The following MGAT4D variants were observed in gnomAD, a reference collection of about 807,000 sequenced individuals.
MGAT4D encodes MGAT4 family member D.
MGAT4D carries 34 observed loss-of-function variants against 15.9 expected under a neutral mutation model. The observed-to-expected ratio is 2.14, with a 90% CI of 1.62 to 2.84. The LOEUF is 2.84. Among genes scored for constraint, MGAT4D ranks in the 30% most tolerant of loss-of-function variants. MGAT4D has a pLI of 0.00. For synonymous variants in MGAT4D, 112 were observed against 48.2 expected, an observed-to-expected ratio of 2.33 and a Z score of -5.49; for missense variants, 327 against 140.2, an observed-to-expected ratio of 2.33 and a Z score of -6.73.
At chr4:140,488,749 T>G (rs1284675555) in intron 1 of MGAT4D, among the ~76,000 whole-genome samples, 1 of 152,152 alleles carries the variant, frequency 6.6e-6, no homozygotes, top group Non-Finnish European at 1.5e-5. Flanking sequence ...TAATCCCCAA[T>G]GTGGGAGGCA....
Position 140,461,946 on chromosome 4 carries a change from C to G in MGAT4D, c.745G>C (p.Ala249Pro), listed in dbSNP as rs1439943472. 1 of 698,696 alleles carries G rather than the reference C, an allele frequency of 1.4e-6. No homozygotes were observed. Among genetic ancestry groups the G allele is most frequent in the East Asian group, 2.7e-5 (1 of 37,140 alleles). 43.3% of individuals were successfully genotyped at this position (698,696 alleles called of 1,614,324 possible). The stretch of plus-strand genomic sequence containing the variant: ...TTTCTGACCTGTAAATAATACTTGG[C>G]CTTGGGTTGGGCATACAGCAACAAA... ...CILLLYAQPK[A>P]KYYLQLEDDI... Residue 249 changes from alanine (A) to proline (P), a missense_variant, in exon 7 of 11, where the codon GCC becomes CCC. Physicochemically the swap from Ala to Pro is conservative, Grantham distance 27. Coordinates refer to ENST00000511113, the MANE Select transcript of MGAT4D (RefSeq NM_001277353.2).
intron 5 of MGAT4D, among the ~76,000 whole-genome samples, chr4:140,471,283 C>CTTCCTTCCTTCT (rs1491339179): frequency 7.7e-6 from 1 of 130,578 alleles, no homozygotes; most frequent in Admixed American, 7.9e-5. Flanking sequence ...TCCTTCCTTC[C>CTTCCTTCCTTCT]TTCTCTCTCT....
intron 9 of MGAT4D, 64 bp from the exon 10 acceptor site, chr4:140,451,581 G>A (rs911894502): frequency 9.2e-6 from 4 of 433,394 alleles, no homozygotes; most frequent in Non-Finnish European, 1.7e-5. Flanking sequence ...TGCGTTTACT[G>A]ATGGTAGAAT....
intron 1 of MGAT4D, among the ~76,000 whole-genome samples, chr4:140,495,111 C>T (rs992350493): frequency 6.6e-6 from 1 of 152,186 alleles, no homozygotes; most frequent in Non-Finnish European, 1.5e-5. Context: ...CACTCTCCCC[C>T]CTGTTCACAT....
Position 140,474,814 on chromosome 4 carries a change from T to C in MGAT4D, c.524A>G (p.Asp175Gly), listed in dbSNP as rs751720562. 4.4e-5 allele frequency: 30 copies of C among 674,638 alleles called. No individual in the cohort carries two copies. The highest frequency in any genetic ancestry group is 1.1e-5 in the Non-Finnish European group (4 of 373,782). The allele number at this position is 674,638 out of a possible 1,614,324, so 41.8% of individuals were successfully genotyped here. The change falls in exon 4 of 11, where the codon GAT becomes GGT. Residue 175 changes from aspartate to glycine, a missense_variant and splice_region_variant. Transcript: ENST00000511113. ...GAGCTCCTTATTTTGTATACGTACA[T>C]CTGCAACCAAGACAATCACTACAGA... ...KDSVVIVLVA[D>G]SNEDYLHSVV...
chr4:140,460,947 A>G (rs1056596755), intron 7 of MGAT4D, among the ~76,000 whole-genome samples: 5 of 152,218 alleles, frequency 3.3e-5, no homozygotes, highest in African/African-American at 1.2e-4. Context: ...CCCAGCAAAG[A>G]GAAGCCAAAA....
chr4:140,491,872 C>G (rs1297302266), intron 1 of MGAT4D, among the ~76,000 whole-genome samples: 3 of 151,964 alleles, frequency 2.0e-5, no homozygotes, highest in African/African-American at 7.3e-5. Flanking sequence ...TCTTTCCCAC[C>G]CTAGTACCAC....
In MGAT4D at chr4:140,494,894, C is replaced by T. The variant is rs530254697; in HGVS notation, c.94+3235G>A. ...ATTACCCAACCCAAAATGTCAACAG[C>T]GCTAAGGTTGAGAAACCCTAGTTTA... On this transcript the variant is annotated intron_variant, in intron 1 of 10. Transcript: ENST00000511113. 3.3e-5 allele frequency among the ~76,000 whole-genome samples: 5 copies of T among 152,300 alleles called. No individual in the cohort carries two copies. The East Asian group carries it at 7.7e-4, about 23-fold the overall frequency.
At chr4:140,470,647 T>C (rs1225141378) in intron 5 of MGAT4D, among the ~76,000 whole-genome samples, 2 of 152,146 alleles carry the variant, frequency 1.3e-5, no homozygotes, top group Non-Finnish European at 2.9e-5. Context: ...TCTAGCATGC[T>C]CCTTTGGTCT....
intron 9 of MGAT4D, among the ~76,000 whole-genome samples, chr4:140,454,012 ATGTGTG>A (rs34758499): frequency 1.3e-5 from 2 of 148,196 alleles, no homozygotes; most frequent in South Asian, 2.2e-4. Context: ...TCTAGGATGT[ATGTGTG>A]TGTGTGTGTG....
In MGAT4D at chr4:140,464,387, A is replaced by G. The variant is rs114338153; in HGVS notation, c.686+509T>C. Among the ~76,000 whole-genome samples the G allele has an allele frequency of 5.9e-3, 891 of 152,298 alleles. 9 individuals are homozygous for G. Among genetic ancestry groups the G allele is most frequent in the African/African-American group, 0.02 (838 of 41,566 alleles). The stretch of plus-strand genomic sequence containing the variant: ...TTTCACAAATGTATTTTATTCTCAT[A>G]ATGACTCTTCCAATTATGCAATATA... On this transcript the variant is annotated intron_variant, in intron 6 of 10. Coordinates refer to ENST00000511113, the MANE Select transcript of MGAT4D (RefSeq NM_001277353.2).
intron 5 of MGAT4D, among the ~76,000 whole-genome samples, chr4:140,470,792 A>G (rs1731879788): frequency 6.6e-6 from 1 of 152,182 alleles, no homozygotes; most frequent in African/African-American, 2.4e-5. Context: ...ATTTGCAGGT[A>G]GAGTTAAATT....
intron 1 of MGAT4D, among the ~76,000 whole-genome samples, chr4:140,490,157 T>A (rs1000161671): frequency 2.6e-5 from 4 of 152,254 alleles, no homozygotes; most frequent in African/African-American, 4.8e-5. Flanking sequence ...TCTTGATTGC[T>A]AGTGGTTTTT....
chr4:140,464,999 G>C lies in MGAT4D; in HGVS notation c.583C>G (p.Gln195Glu). 5.7e-6 allele frequency: 4 copies of C among 701,348 alleles called. No homozygotes were observed. The highest frequency in any genetic ancestry group is 2.7e-5 in the East Asian group (1 of 37,250). 43.4% of individuals were successfully genotyped at this position (701,348 alleles called of 1,614,324 possible). Reference sequence around the variant, plus strand: ...ACCTCTAAGGATCCAGACCTCACTTGCCTTTTGAATCTATAAATAGAAGTA... The same window carrying C: ...ACCTCTAAGGATCCAGACCTCACTTCCCTTTTGAATCTATAAATAGAAGTA... Reference protein sequence around the residue: ...VKMITKKFKRQVRSGSLEVIS... With the variant: ...VKMITKKFKREVRSGSLEVIS... The change falls in exon 6 of 11, where the codon CAA becomes GAA. Residue 195 changes from glutamine to glutamate, a missense_variant. Coordinates refer to ENST00000511113, the MANE Select transcript of MGAT4D (RefSeq NM_001277353.2).
At chr4:140,480,601 A>G (rs1048906733) in intron 2 of MGAT4D, among the ~76,000 whole-genome samples, 5 of 152,194 alleles carry the variant, frequency 3.3e-5, no homozygotes, top group Admixed American at 1.3e-4. Flanking sequence ...TCCATCTGAT[A>G]TGTATCCAGG....
chr4:140,462,947 AC>A (rs1731293181), intron 6 of MGAT4D, among the ~76,000 whole-genome samples: 1 of 152,078 alleles, frequency 6.6e-6, no homozygotes. Context: ...GAATTCACAA[AC>A]CCTTTGAAAG....
intron 10 of MGAT4D, 80 bp from the exon 11 acceptor site, chr4:140,443,524 T>A: frequency 2.2e-6 from 1 of 452,786 alleles, no homozygotes. Context: ...TAGCAATTTC[T>A]TAATCATATT....
In MGAT4D at chr4:140,461,807, G is replaced by A. The variant is rs1216275897; in HGVS notation, c.762+122C>T. On this transcript the variant is annotated intron_variant, in intron 7 of 10. Coordinates refer to ENST00000511113, the MANE Select transcript of MGAT4D (RefSeq NM_001277353.2). ...GGTGGAGGAATACAATGAGGAAGAA[G>A]AAATTATAGGAAGGAGGGAGAAAGT... 4.6e-5 allele frequency: 20 copies of A among 431,992 alleles called. No homozygotes were observed. In the East Asian group the frequency reaches 6.5e-4, roughly 14 times the overall value. The allele number at this position is 431,992 out of a possible 1,614,324, so 26.8% of individuals were successfully genotyped here. A position where few individuals can be genotyped will look rare whatever the true frequency, so the allele number is the denominator to read the frequency against.
intron 3 of MGAT4D, 50 bp downstream of exon 3, chr4:140,479,440 C>A: frequency 2.4e-6 from 1 of 415,370 alleles, no homozygotes. Context: ...AAGTATGTCC[C>A]CAAAGATCAA....
Sources: gnomAD v4.1 joint callset for allele counts (sites outside exome capture counted in the v4.1 genomes callset) on GRCh38, gnomAD v4.1.1 for gene constraint, MANE v1.5 for transcripts, NCBI Gene and HGNC (gene_info 2026-07-23, HGNC 2026-07-21) for gene names.